The following TMEM132D variants were observed in gnomAD, a reference collection of about 807,000 sequenced individuals.
TMEM132D encodes mature OL transmembrane protein.
Under a neutral mutation model 62.3 loss-of-function variants are expected in TMEM132D, and 21 were observed. The ratio of observed to expected loss-of-function variants is 0.34; its 90% CI spans 0.24 to 0.49. TMEM132D has a LOEUF of 0.49. Ranked by LOEUF, TMEM132D falls within the 20% of genes least tolerant of loss-of-function variation. The pLI, the probability that TMEM132D is intolerant of heterozygous loss-of-function variation, is 0.99. For synonymous variants in TMEM132D, 621 were observed against 575.6 expected (o/e 1.08, Z -1.13); for missense variants, 1,346 against 1,402.8 (o/e 0.96, Z 0.65).
chr12:129,436,387 T>TAA (rs1323715617), intron 3 of TMEM132D, among the ~76,000 whole-genome samples: 1 of 152,164 alleles, frequency 6.6e-6, no homozygotes, highest in East Asian at 1.9e-4. Context: ...CATATATATA[T>TAA]AATTATATTT....
At chr12:129,343,414 T>C (rs943279220) in intron 3 of TMEM132D, among the ~76,000 whole-genome samples, 2 of 113,304 alleles carry the variant, frequency 1.8e-5, no homozygotes, top group Non-Finnish European at 3.5e-5. Context: ...CATCACACAC[T>C]GGGGACTGTT....
intron 5 of TMEM132D, among the ~76,000 whole-genome samples, chr12:129,198,707 A>C (rs1003062445): frequency 6.6e-6 from 1 of 152,322 alleles, no homozygotes; most frequent in South Asian, 2.1e-4. Flanking sequence ...ATTTTTTAAA[A>C]ATCTATCTCA....
At chr12:129,214,172 G>A (rs1176084238) in intron 4 of TMEM132D, among the ~76,000 whole-genome samples, 1 of 152,228 alleles carries the variant, frequency 6.6e-6, no homozygotes, top group Admixed American at 6.5e-5. Flanking sequence ...AGGGTACAAG[G>A]GAAATGTGTA....
At chr12:129,137,116 C>CATCGCCGTCATCATTACCACT (rs1876599006) in intron 5 of TMEM132D, among the ~76,000 whole-genome samples, 1 of 149,364 alleles carries the variant, frequency 6.7e-6, no homozygotes, top group African/African-American at 2.4e-5. Flanking sequence ...CCACCACCAT[C>CATCGCCGTCATCATTACCACT]ATCACCATCA....
chr12:129,093,048 G>A (rs1874982943), intron 5 of TMEM132D, among the ~76,000 whole-genome samples: 1 of 152,308 alleles, frequency 6.6e-6, no homozygotes, highest in African/African-American at 2.4e-5. Context: ...GGACGCACTG[G>A]AGGACACACT....
intron 5 of TMEM132D, among the ~76,000 whole-genome samples, chr12:129,130,012 G>GCTCTGTGTGTGTGT (rs1209404326): frequency 1.5e-5 from 1 of 67,898 alleles, no homozygotes; most frequent in East Asian, 5.4e-4. Context: ...TCAAAGCTCT[G>GCTCTGTGTGTGTGT]CTCTGTGTGT....
At chr12:129,462,969 CG>C (rs1185849217) in intron 3 of TMEM132D, among the ~76,000 whole-genome samples, 2 of 152,084 alleles carry the variant, frequency 1.3e-5, no homozygotes, top group African/African-American at 4.8e-5. Context: ...TGGGAGTCCT[CG>C]GAGCCCACAA....
At chr12:129,734,644 T>C (rs1869360897) in intron 1 of TMEM132D, among the ~76,000 whole-genome samples, 1 of 151,598 alleles carries the variant, frequency 6.6e-6, no homozygotes, top group Admixed American at 6.6e-5. Context: ...TTGATTATAA[T>C]CAAAATACTT....
At chr12:129,868,782 C>T (rs949425610) in intron 1 of TMEM132D, among the ~76,000 whole-genome samples, 1 of 152,156 alleles carries the variant, frequency 6.6e-6, no homozygotes, top group Non-Finnish European at 1.5e-5. Context: ...AGGAACGCGG[C>T]CTCTCTTCCC....
intron 4 of TMEM132D, among the ~76,000 whole-genome samples, chr12:129,264,187 G>A (rs767205322): frequency 3.9e-5 from 6 of 152,154 alleles, no homozygotes; most frequent in South Asian, 2.1e-4. Context: ...CCAGGAGTTC[G>A]AGACCAGCCT....
chr12:129,407,844 C>T (rs1397685510), intron 3 of TMEM132D, among the ~76,000 whole-genome samples: 3 of 149,992 alleles, frequency 2.0e-5, no homozygotes, highest in Non-Finnish European at 4.4e-5. Context: ...GAGCCGGGAT[C>T]GCACCACTGC....
At chr12:129,305,907 G>GA (rs1173742426) in intron 4 of TMEM132D, among the ~76,000 whole-genome samples, 6 of 152,046 alleles carry the variant, frequency 3.9e-5, no homozygotes, top group East Asian at 1.9e-4. Flanking sequence ...AGCAGAGAGA[G>GA]AAAAAAATCA....
intron 5 of TMEM132D, among the ~76,000 whole-genome samples, chr12:129,106,844 T>G (rs1408233917): frequency 6.6e-6 from 1 of 152,156 alleles, no homozygotes; most frequent in Admixed American, 6.5e-5. Context: ...TGTAGGTGCC[T>G]CAATATGAAG....
At chr12:129,355,678 C>T (rs181320184) in intron 3 of TMEM132D, among the ~76,000 whole-genome samples, 18 of 152,270 alleles carry the variant, frequency 1.2e-4, no homozygotes, top group Admixed American at 9.1e-4. Context: ...CAGCATTCCA[C>T]TCAAATCTCT....
intron 3 of TMEM132D, among the ~76,000 whole-genome samples, chr12:129,361,541 A>G (rs1870249376): frequency 1.3e-5 from 2 of 152,206 alleles, no homozygotes; most frequent in African/African-American, 4.8e-5. Context: ...AGTATGAGTT[A>G]TGGAATGTGC....
intron 2 of TMEM132D, among the ~76,000 whole-genome samples, chr12:129,636,490 C>T (rs1879479958): frequency 1.3e-5 from 2 of 152,088 alleles, no homozygotes; most frequent in South Asian, 2.1e-4. Context: ...CTGTCCAGAA[C>T]CTGCTTCCTA....
chr12:129,254,911 A>G (rs1880362031), intron 4 of TMEM132D, among the ~76,000 whole-genome samples: 1 of 152,108 alleles, frequency 6.6e-6, no homozygotes, highest in Non-Finnish European at 1.5e-5. Context: ...CCCCAACCAA[A>G]TCTCATGTCA....
At chr12:129,287,951 T>C (rs1392611410) in intron 4 of TMEM132D, among the ~76,000 whole-genome samples, 1 of 152,226 alleles carries the variant, frequency 6.6e-6, no homozygotes, top group Admixed American at 6.5e-5. Flanking sequence ...CACTGTAGCG[T>C]TGTAATATAT....
intron 2 of TMEM132D, among the ~76,000 whole-genome samples, chr12:129,640,926 C>T (rs1286520084): frequency 1.3e-5 from 2 of 152,140 alleles, no homozygotes; most frequent in Non-Finnish European, 2.9e-5. Context: ...GTTGCACGCT[C>T]CTTATGAGAA....
Sources: allele counts gnomAD v4.1 joint callset (sites outside exome capture counted in the v4.1 genomes callset), GRCh38; gene constraint gnomAD v4.1.1; transcripts MANE v1.5; gene names NCBI Gene and HGNC (gene_info 2026-07-23, HGNC 2026-07-21).